Variants in NCAPH observed in about 807,000 individuals in gnomAD.
NCAPH encodes the protein non-SMC condensin I complex subunit H, also known as condensin complex subunit 2.
A neutral mutation model predicts 85.5 loss-of-function variants in NCAPH; 38 were observed. That is an observed-to-expected ratio of 0.44 (90% confidence interval 0.34 to 0.58). NCAPH has a LOEUF of 0.58. Among genes scored for constraint, NCAPH ranks in the 20% least tolerant of loss-of-function variants. The pLI is 0.01. For missense variants in NCAPH, 789 were observed against 916.6 expected (o/e 0.86, Z 1.80); for synonymous variants, 301 against 335.1 (o/e 0.90, Z 1.11).
At chr2:96,365,266 T>C (rs1157476668) in intron 13 of NCAPH, among the ~76,000 whole-genome samples, 1 of 152,164 alleles carries the variant, frequency 6.6e-6, no homozygotes, top group Non-Finnish European at 1.5e-5. Context: ...TTTTCTTACT[T>C]AGGAAGAGAG....
intron 11 of NCAPH, among the ~76,000 whole-genome samples, 163 bp downstream of exon 11, chr2:96,360,412 A>G (rs2064589427): frequency 6.6e-6 from 1 of 152,194 alleles, no homozygotes; most frequent in African/African-American, 2.4e-5. Context: ...CAGTGGCAGA[A>G]AGAATCAAAT....
chr2:96,346,814 GT>G (rs914881682), intron 6 of NCAPH, among the ~76,000 whole-genome samples: 8 of 152,178 alleles, frequency 5.3e-5, no homozygotes, highest in Admixed American at 3.3e-4. Context: ...CGGGGTAGGG[GT>G]CTTACTAGGC....
chr2:96,351,091 G>A (rs1478789677), intron 6 of NCAPH, among the ~76,000 whole-genome samples: 1 of 152,174 alleles, frequency 6.6e-6, no homozygotes, highest in African/African-American at 2.4e-5. Flanking sequence ...TCCTTTGCCT[G>A]GATATCTTGG....
At chr2:96,373,255 T>C in intron 17 of NCAPH, 37 bp from the exon 18 acceptor site, 1 of 1,551,886 alleles carries the variant, frequency 6.4e-7, no homozygotes, top group Non-Finnish European at 8.9e-7. Flanking sequence ...TTATTCTCCG[T>C]ATACCAAAGT....
chr2:96,360,573 T>G lies in NCAPH; in HGVS notation c.1465-15T>G. ...GTTAAAATGCCTAAAACACTTTTTTTAAAAAAATTAATAGGCTGCTACTAT... is the reference window on the plus strand; with the variant it reads ...GTTAAAATGCCTAAAACACTTTTTTGAAAAAAATTAATAGGCTGCTACTAT... On this transcript the variant is annotated splice_polypyrimidine_tract_variant and intron_variant, in intron 11 of 17. Coordinates refer to ENST00000240423, the MANE Select transcript of NCAPH (RefSeq NM_015341.5). 6.2e-7 allele frequency: 1 copy of G among 1,611,268 alleles called. No individual in the cohort carries two copies. Among genetic ancestry groups the G allele is most frequent in the South Asian group, 1.1e-5 (1 of 90,324 alleles).
intron 5 of NCAPH, among the ~76,000 whole-genome samples, chr2:96,343,780 A>G (rs1470194441): frequency 6.6e-6 from 1 of 150,778 alleles, no homozygotes; most frequent in African/African-American, 2.4e-5. Context: ...GGCTCACGGC[A>G]GCCTCTGGCT....
intron 3 of NCAPH, 91 bp from the exon 4 acceptor site, chr2:96,342,665 G>A: frequency 1.9e-6 from 2 of 1,056,000 alleles, no homozygotes; most frequent in Admixed American, 2.1e-5. Flanking sequence ...GTATTCCTAT[G>A]TAAAGACTTA....
At position 96,353,329 on chromosome 2, in the gene NCAPH, G is replaced by A; in HGVS notation, c.934G>A (p.Asp312Asn). The A allele has an allele frequency of 6.2e-7, 1 of 1,614,228 alleles. No individual in the cohort carries two copies. The highest frequency in any genetic ancestry group is 8.5e-7 in the Non-Finnish European group (1 of 1,180,030). Residue 312 changes from aspartate (D) to asparagine (N), a missense_variant, in exon 8 of 18, where the codon GAT becomes AAT. Asp to Asn is a conservative substitution (Grantham distance 23, BLOSUM62 1). Coordinates refer to ENST00000240423, the MANE Select transcript of NCAPH (RefSeq NM_015341.5). ...LKAPLQQCAE[D>N]RQICPSLAGF... ...AGCGCCCTTGCAGCAGTGTGCAGAAGATCGCCAGATCTGCCCTTCCCTGGC... is the reference window on the plus strand; with the variant it reads ...AGCGCCCTTGCAGCAGTGTGCAGAAAATCGCCAGATCTGCCCTTCCCTGGC...
chr2:96,343,357 A>G, intron 5 of NCAPH, 53 bp downstream of exon 5: 2 of 1,542,936 alleles, frequency 1.3e-6, no homozygotes, highest in South Asian at 1.3e-5. Context: ...CATACCAGGT[A>G]GTTACTTGAG....
rs908160989 is a variant in NCAPH at position 96,340,383 on chromosome 2, CTT to C, written c.20-1236_20-1235del. ...TAGGATGACTAATACTAATAAGCAT[CTT>C]TTTTTTTTTTTTTTTTTTTTTTGAG... On this transcript the variant is annotated intron_variant, in intron 1 of 17. Transcript: ENST00000240423. Among the ~76,000 whole-genome samples the C allele has an allele frequency of 3.4e-3, 309 of 91,244 alleles. 1 individual carries two copies. Among genetic ancestry groups the C allele is most frequent in the African/African-American group, 9.8e-3 (234 of 23,896 alleles). The allele number at this position is 91,244 out of a possible 152,430, so 59.9% of individuals were successfully genotyped here. A position where few individuals can be genotyped will look rare whatever the true frequency, so the allele number is the denominator to read the frequency against.
chr2:96,342,005 A>G lies in NCAPH; in HGVS notation c.273-45A>G, dbSNP rs375965023. The G allele has an allele frequency of 3.1e-6, 5 of 1,603,456 alleles. No homozygotes were observed. The African/African-American group carries it at 4.0e-5, about 13-fold the overall frequency. ...GGTCTAGGTTTTGAAAATTTAAACT[A>G]TCATGGATTCTTGCCAGAGTTGTTT... On this transcript the variant is annotated intron_variant, in intron 2 of 17. Coordinates refer to ENST00000240423, the MANE Select transcript of NCAPH (RefSeq NM_015341.5).
At chr2:96,337,797 C>T (rs1045236271) in intron 1 of NCAPH, among the ~76,000 whole-genome samples, 1 of 152,026 alleles carries the variant, frequency 6.6e-6, no homozygotes, top group South Asian at 2.1e-4. Flanking sequence ...TCCTAGCTCA[C>T]GGCAGCCTTG....
At position 96,344,168 on chromosome 2, in the gene NCAPH, A is replaced by G; in HGVS notation, c.659A>G (p.His220Arg). ...GTAAAGCCAAAGAAGAAGCACTTACACAGAACTATTGAGCAGAACATAAAC... is the reference window on the plus strand; with the variant it reads ...GTAAAGCCAAAGAAGAAGCACTTACGCAGAACTATTGAGCAGAACATAAAC... ...KAVKPKKKHL[H>R]RTIEQNINNL... Residue 220 changes from histidine to arginine, a missense_variant, in exon 6 of 18, where the codon CAC (histidine) becomes CGC (arginine). By Grantham distance (29) the His-to-Arg change is conservative. Coordinates refer to ENST00000240423, the MANE Select transcript of NCAPH (RefSeq NM_015341.5). 2 of 1,613,818 alleles carry G rather than the reference A, an allele frequency of 1.2e-6. No homozygotes were observed. Among genetic ancestry groups the G allele is most frequent in the African/African-American group, 1.3e-5 (1 of 75,048 alleles).
At chr2:96,368,167 T>G (rs2064725046) in intron 15 of NCAPH, among the ~76,000 whole-genome samples, 1 of 152,208 alleles carries the variant, frequency 6.6e-6, no homozygotes. Context: ...AGCTGAGAAA[T>G]GAAAACTCAT....
At chr2:96,371,259 A>G (rs937012034) in intron 17 of NCAPH, among the ~76,000 whole-genome samples, 3 of 152,086 alleles carry the variant, frequency 2.0e-5, no homozygotes, top group African/African-American at 7.2e-5. Flanking sequence ...TGACTCTCCA[A>G]CATGGGTGCT....
chr2:96,360,452 T>C, intron 11 of NCAPH, 136 bp from the exon 12 acceptor site: 1 of 1,087,834 alleles, frequency 9.2e-7, no homozygotes, highest in East Asian at 2.4e-5. Context: ...GCTAGCAAAA[T>C]CACTTTTTTA....
chr2:96,335,913 A>G, intron 1 of NCAPH, 65 bp downstream of exon 1: 2 of 1,364,956 alleles, frequency 1.5e-6, no homozygotes, highest in Non-Finnish European at 1.9e-6. Context: ...TCGGGCGGGC[A>G]GGGCTGGCGG....
chr2:96,366,510 C>T (rs935615137), intron 14 of NCAPH, among the ~76,000 whole-genome samples: 8 of 152,148 alleles, frequency 5.3e-5, no homozygotes, highest in Non-Finnish European at 1.0e-4. Flanking sequence ...ACTGGAATTC[C>T]AGTTAGCCTT....
At chr2:96,371,805 C>G (rs998165797) in intron 17 of NCAPH, among the ~76,000 whole-genome samples, 12 of 152,232 alleles carry the variant, frequency 7.9e-5, no homozygotes. Flanking sequence ...GAGAAATATT[C>G]TCAACGCTTC....
Sources: gnomAD v4.1 joint callset for allele counts (sites outside exome capture counted in the v4.1 genomes callset) on GRCh38, gnomAD v4.1.1 for gene constraint, MANE v1.5 for transcripts, NCBI Gene and HGNC (gene_info 2026-07-23, HGNC 2026-07-21) for gene names.